CNTN5: variants seen among roughly 807,000 people sequenced by gnomAD.
The protein encoded by CNTN5 is contactin-5.
CNTN5 carries 77 observed loss-of-function variants against 129.1 expected under a neutral mutation model. The observed-to-expected ratio is 0.60, with a 90% CI of 0.50 to 0.72. The LOEUF (loss-of-function observed/expected upper bound fraction) is 0.72, where lower values mean the gene tolerates loss of function less well. Among genes scored for constraint, CNTN5 ranks in the 30% least tolerant of loss-of-function variants. CNTN5 has a pLI of 0.00. For synonymous variants in CNTN5, 509 were observed against 465.6 expected, an observed-to-expected ratio of 1.09 and a Z score of -1.20; for missense variants, 1,478 against 1,328.8, an observed-to-expected ratio of 1.11 and a Z score of -1.75.
intron 24 of CNTN5, among the ~76,000 whole-genome samples, chr11:100,352,424 T>C (rs1952437793): frequency 6.6e-6 from 1 of 151,744 alleles, no homozygotes; most frequent in Non-Finnish European, 1.5e-5. Context: ...TACATTAAAA[T>C]ATTTTGAGGA....
chr11:99,197,472 A>G (rs1395713436), intron 1 of CNTN5, among the ~76,000 whole-genome samples: 1 of 152,100 alleles, frequency 6.6e-6, no homozygotes, highest in African/African-American at 2.4e-5. Flanking sequence ...TAGAAATTCA[A>G]CTTACATATA....
chr11:100,077,715 C>T (rs547755444), intron 13 of CNTN5, among the ~76,000 whole-genome samples: 39 of 151,966 alleles, frequency 2.6e-4, no homozygotes, highest in East Asian at 7.8e-4. Context: ...TGGTGGTGTA[C>T]GCCTATAGTC....
chr11:99,664,546 T>G (rs1281818597), intron 3 of CNTN5, among the ~76,000 whole-genome samples: 2 of 152,184 alleles, frequency 1.3e-5, no homozygotes, highest in Non-Finnish European at 2.9e-5. Context: ...CAATGGCATT[T>G]TTCGCTATAG....
intron 1 of CNTN5, among the ~76,000 whole-genome samples, chr11:99,034,933 T>C (rs879337319): frequency 4.8e-4 from 73 of 151,406 alleles, no homozygotes; most frequent in South Asian, 1.5e-3. Context: ...CTGTACACAC[T>C]GCTTTGAATG....
At chr11:99,292,608 C>T (rs1051774471) in intron 1 of CNTN5, among the ~76,000 whole-genome samples, 4 of 152,086 alleles carry the variant, frequency 2.6e-5, no homozygotes, top group African/African-American at 7.2e-5. Context: ...CACTTAATCC[C>T]CACTGAGTGT....
At chr11:99,768,796 C>T (rs1944845424) in intron 3 of CNTN5, among the ~76,000 whole-genome samples, 1 of 152,022 alleles carries the variant, frequency 6.6e-6, no homozygotes, top group African/African-American at 2.4e-5. Flanking sequence ...CTTATTTATT[C>T]TAGTGATATA....
At chr11:99,906,410 T>C (rs949870127) in intron 6 of CNTN5, among the ~76,000 whole-genome samples, 5 of 152,224 alleles carry the variant, frequency 3.3e-5, no homozygotes, top group Non-Finnish European at 7.3e-5. Flanking sequence ...ATGTGGTTTT[T>C]GTCACTAGTT....
intron 13 of CNTN5, among the ~76,000 whole-genome samples, chr11:100,093,249 T>G (rs1944865836): frequency 6.6e-6 from 1 of 152,086 alleles, no homozygotes; most frequent in African/African-American, 2.4e-5. Context: ...AGCTAGTGTT[T>G]GTTGATCACT....
At chr11:99,255,376 T>A (rs1862322217) in intron 1 of CNTN5, among the ~76,000 whole-genome samples, 1 of 151,738 alleles carries the variant, frequency 6.6e-6, no homozygotes, top group Non-Finnish European at 1.5e-5. Flanking sequence ...GGATAAATTA[T>A]TGTGGGTATT....
At position 100,315,700 on chromosome 11, in the gene CNTN5, T is replaced by C. The variant is rs943039325; in HGVS notation, c.2730+7232T>C. ...CATCTGAAGAAATAAGAAAAAAAAA[T>C]ATGAAATTCCAAATGTAGACATTAA... is the stretch of plus-strand genomic sequence containing the variant. On this transcript the variant is annotated intron_variant, in intron 21 of 24. Transcript: ENST00000524871. Among the ~76,000 whole-genome samples, 4 of 152,040 alleles carry C rather than the reference T, an allele frequency of 2.6e-5. No homozygotes were observed. In the East Asian group the frequency reaches 5.8e-4, roughly 22 times the overall value.
intron 9 of CNTN5, among the ~76,000 whole-genome samples, chr11:100,008,963 G>C (rs1940351581): frequency 6.6e-6 from 1 of 152,154 alleles, no homozygotes; most frequent in South Asian, 2.1e-4. Flanking sequence ...TTGTTACTTA[G>C]AGCGTGCATA....
At chr11:99,786,246 C>T (rs1240625848) in intron 3 of CNTN5, among the ~76,000 whole-genome samples, 1 of 152,050 alleles carries the variant, frequency 6.6e-6, no homozygotes, top group Non-Finnish European at 1.5e-5. Flanking sequence ...TAGTGAACTC[C>T]CATTCACAAC....
At chr11:99,250,144 T>A (rs547481621) in intron 1 of CNTN5, among the ~76,000 whole-genome samples, 2 of 152,118 alleles carry the variant, frequency 1.3e-5, no homozygotes, top group Admixed American at 1.3e-4. Context: ...ATAGACATGT[T>A]GGCATTGTCT....
chr11:99,509,692 A>G (rs1565243338), intron 2 of CNTN5, among the ~76,000 whole-genome samples: 1 of 152,144 alleles, frequency 6.6e-6, no homozygotes, highest in East Asian at 1.9e-4. Flanking sequence ...ATGAAAACAA[A>G]ATATACACAA....
chr11:99,247,295 C>T (rs373141062), intron 1 of CNTN5, among the ~76,000 whole-genome samples: 1 of 151,866 alleles, frequency 6.6e-6, no homozygotes, highest in Non-Finnish European at 1.5e-5. Context: ...TGAATTTCTT[C>T]GTATGTAAAA....
intron 13 of CNTN5, among the ~76,000 whole-genome samples, chr11:100,113,495 GCAAA>G (rs1406551514): frequency 1.2e-5 from 1 of 82,746 alleles, no homozygotes; most frequent in Admixed American, 1.2e-4. Context: ...AAAAAAACAA[GCAAA>G]CAAACAAACA....
chr11:100,284,278 T>A (rs1438785798), intron 18 of CNTN5, among the ~76,000 whole-genome samples: 1 of 152,242 alleles, frequency 6.6e-6, no homozygotes, highest in Non-Finnish European at 1.5e-5. Flanking sequence ...TGTGTAGCAG[T>A]GTCCTTGCCA....
chr11:99,462,913 C>T (rs1029657557), intron 2 of CNTN5, among the ~76,000 whole-genome samples: 3 of 151,788 alleles, frequency 2.0e-5, no homozygotes, highest in African/African-American at 7.3e-5. Flanking sequence ...GGTGAAACCC[C>T]GTCTCTACTA....
intron 9 of CNTN5, among the ~76,000 whole-genome samples, chr11:100,023,856 A>G (rs1037864529): frequency 1.3e-5 from 2 of 151,534 alleles, no homozygotes; most frequent in Non-Finnish European, 2.9e-5. Context: ...TTTTTTTAAT[A>G]CTTCATGTTG....
Sources: allele counts gnomAD v4.1 joint callset (sites outside exome capture counted in the v4.1 genomes callset), GRCh38; gene constraint gnomAD v4.1.1; transcripts MANE v1.5; gene names NCBI Gene and HGNC (gene_info 2026-07-23, HGNC 2026-07-21).